Variants in DNAH8 observed in about 807,000 individuals in gnomAD.
DNAH8 encodes dynein axonemal heavy chain 8, also known as axonemal beta dynein heavy chain 8.
A neutral mutation model predicts 562.1 loss-of-function variants in DNAH8; 382 were observed. The ratio of observed to expected loss-of-function variants is 0.68; its 90% CI spans 0.63 to 0.74. The LOEUF (loss-of-function observed/expected upper bound fraction) is 0.74, where lower values mean the gene tolerates loss of function less well. Among genes scored for constraint, DNAH8 ranks in the 30% least tolerant of loss-of-function variants. DNAH8 has a pLI of 0.00. For synonymous variants in DNAH8, 1,881 were observed against 1,919.4 expected, an observed-to-expected ratio of 0.98 and a Z score of 0.52; for missense variants, 5,203 against 5,620.4, an observed-to-expected ratio of 0.93 and a Z score of 2.37.
In DNAH8 at chr6:38,821,441, C is replaced by CT. The variant is rs548901208; in HGVS notation, c.3524-1390dup. ...CAATCTCTATCAAAATCCCAGAAGA[C>CT]TTTTTTTGCGGAAGAAATTGATAAG... On this transcript the variant is annotated intron_variant, in intron 26 of 92. Coordinates refer to ENST00000327475, the MANE Select transcript of DNAH8 (RefSeq NM_001206927.2). 1.1e-4 allele frequency among the ~76,000 whole-genome samples: 16 copies of CT among 152,146 alleles called. No homozygotes were observed. In the South Asian group the frequency reaches 2.9e-3, roughly 28 times the overall value.
Position 38,938,954 on chromosome 6 carries a change from A to C in DNAH8, c.11973A>C (p.Thr3991=). ...TAAAGATTGACCTTCAGAGAGGGAC[A>C]GTTAAGCACAGAGAGTTTCAAGCTC... ...MTLKIDLQRG[T]VKHREFQALI... Residue 3991 remains threonine, a synonymous_variant, in exon 79 of 93, where the codon ACA becomes ACC. Coordinates refer to ENST00000327475, the MANE Select transcript of DNAH8 (RefSeq NM_001206927.2). 3.7e-6 allele frequency: 6 copies of C among 1,613,766 alleles called. No individual in the cohort carries two copies. The highest frequency in any genetic ancestry group is 5.1e-6 in the Non-Finnish European group (6 of 1,179,840).
rs764654568 is a variant in DNAH8 at position 38,870,579 on chromosome 6, C to A, written c.6990+17C>A. 13 of 1,604,012 alleles carry A rather than the reference C, an allele frequency of 8.1e-6. No homozygotes were observed. In the African/African-American group the frequency reaches 1.5e-4, roughly 18 times the overall value. ...CTCGTGCAGGTAAAGACATTTTAAT[C>A]TATTATTAGTATAATGATAAGTATG... On this transcript the variant is annotated intron_variant, in intron 49 of 92. Transcript: ENST00000327475.
chr6:38,858,233 G>C (rs1235942335), intron 42 of DNAH8, among the ~76,000 whole-genome samples: 2 of 152,120 alleles, frequency 1.3e-5, no homozygotes, highest in Non-Finnish European at 2.9e-5. Flanking sequence ...TTCTCCTAAA[G>C]CAAGGATTTT....
chr6:38,915,175 T>G (rs750984769), intron 67 of DNAH8, 26 bp from the exon 68 acceptor site: 5 of 1,566,724 alleles, frequency 3.2e-6, no homozygotes, highest in Non-Finnish European at 4.3e-6. Context: ...TTCTATTGGC[T>G]TTCATGTGTT....
intron 30 of DNAH8, among the ~76,000 whole-genome samples, chr6:38,830,070 C>G (rs1773699653): frequency 6.6e-6 from 1 of 152,198 alleles, no homozygotes; most frequent in South Asian, 2.1e-4. Flanking sequence ...TAAAGGTAGT[C>G]AATTTTGTCA....
chr6:38,807,044 C>A (rs1320856354), intron 23 of DNAH8, among the ~76,000 whole-genome samples: 1 of 152,174 alleles, frequency 6.6e-6, no homozygotes, highest in Non-Finnish European at 1.5e-5. Context: ...ACATCTCTGC[C>A]TACCAGGCTC....
At chr6:38,738,297 G>A (rs756405) in intron 7 of DNAH8, among the ~76,000 whole-genome samples, 96,770 of 152,042 alleles carry the variant, frequency 0.64, 31,743 homozygotes, top group Non-Finnish European at 0.71. Flanking sequence ...GAGAGAGGGA[G>A]AGGACACAGT....
rs1312427698 is a variant in DNAH8, at chr6:38,896,099, T to C, written c.8814T>C (p.Ile2938=). 1 of 1,614,028 alleles carries C rather than the reference T, an allele frequency of 6.2e-7. No individual in the cohort carries two copies. ...AHLTRAVEEN[I]GSDAASCILP... ...TTACTCGTGCAGTTGAAGAAAATAT[T>C]GGCTCTGATGCAGCGTCGTGTATTC... The change falls in exon 60 of 93, where the codon ATT becomes ATC. Residue 2938 remains isoleucine, a synonymous_variant. Transcript: ENST00000327475.
intron 76 of DNAH8, among the ~76,000 whole-genome samples, chr6:38,933,222 C>CA (rs1343880690): frequency 6.6e-6 from 1 of 152,138 alleles, no homozygotes; most frequent in Non-Finnish European, 1.5e-5. Flanking sequence ...AGAAGTCAAG[C>CA]AACTCCACTG....
chr6:38,826,577 A>C (rs568952546), intron 29 of DNAH8, among the ~76,000 whole-genome samples, 186 bp downstream of exon 29: 3 of 152,338 alleles, frequency 2.0e-5, no homozygotes, highest in Non-Finnish European at 2.9e-5. Context: ...CAGTATACAA[A>C]AGACACTGTT....
At chr6:38,763,426 G>T in intron 11 of DNAH8, 1 of 309,836 alleles carries the variant, frequency 3.2e-6, no homozygotes, top group Non-Finnish European at 6.2e-6. Context: ...GAAGAACAGA[G>T]CAACAAGAGC....
At chr6:38,893,178 T>C (rs897280095) in intron 58 of DNAH8, among the ~76,000 whole-genome samples, 1 of 152,198 alleles carries the variant, frequency 6.6e-6, no homozygotes, top group Non-Finnish European at 1.5e-5. Context: ...GAAAAATGAA[T>C]GAATCTTCCT....
At chr6:38,818,140 T>G (rs1772457198) in intron 26 of DNAH8, among the ~76,000 whole-genome samples, 1 of 152,104 alleles carries the variant, frequency 6.6e-6, no homozygotes, top group South Asian at 2.1e-4. Flanking sequence ...TCAAACCCAG[T>G]TCTTTCTTCA....
intron 21 of DNAH8, among the ~76,000 whole-genome samples, chr6:38,802,135 C>A (rs995307016): frequency 3.3e-5 from 5 of 151,676 alleles, no homozygotes; most frequent in African/African-American, 1.2e-4. Context: ...GGGGTCTCGC[C>A]ATGTTGCCCA....
chr6:38,729,240 A>T (rs576836335), intron 3 of DNAH8, among the ~76,000 whole-genome samples: 43 of 146,692 alleles, frequency 2.9e-4, no homozygotes, highest in African/African-American at 1.0e-3. Context: ...ACAAACAAAC[A>T]AACTCTCACT....
At chr6:38,959,449 C>A (rs571923330) in intron 82 of DNAH8, among the ~76,000 whole-genome samples, 1 of 151,914 alleles carries the variant, frequency 6.6e-6, no homozygotes, top group Non-Finnish European at 1.5e-5. Flanking sequence ...TCAATCTACA[C>A]GAATTAGGGT....
In DNAH8 at chr6:38,899,804, G is replaced by T; in HGVS notation, c.9092G>T (p.Gly3031Val). 1 of 1,613,606 alleles carries T rather than the reference G, an allele frequency of 6.2e-7. No individual in the cohort carries two copies. The highest frequency in any genetic ancestry group is 1.1e-5 in the South Asian group (1 of 91,002). ...TCACGAATAATTCGAACGTCGTGTGGAAATGCATTGCTGGTGGGTGTTGGT... is the reference window on the plus strand; with the variant it reads ...TCACGAATAATTCGAACGTCGTGTGTAAATGCATTGCTGGTGGGTGTTGGT... Reference protein sequence around the residue: ...KISRIIRTSCGNALLVGVGGS... With the variant: ...KISRIIRTSCVNALLVGVGGS... Residue 3031 changes from glycine (G) to valine (V), a missense_variant, in exon 62 of 93, where the codon GGA (glycine) becomes GTA (valine). By Grantham distance (109) the Gly-to-Val change is moderately radical. Transcript: ENST00000327475.
intron 79 of DNAH8, among the ~76,000 whole-genome samples, chr6:38,943,609 C>T (rs556663389): frequency 2.0e-5 from 3 of 152,286 alleles, no homozygotes; most frequent in South Asian, 4.1e-4. Flanking sequence ...CGCAATCCTG[C>T]ATTATAGAGC....
At chr6:38,761,475 T>C (rs1341186456) in intron 10 of DNAH8, among the ~76,000 whole-genome samples, 1 of 151,740 alleles carries the variant, frequency 6.6e-6, no homozygotes, top group Non-Finnish European at 1.5e-5. Context: ...TATTTTTTAT[T>C]TTTAGAGACA....
Sources: allele counts gnomAD v4.1 joint callset (sites outside exome capture counted in the v4.1 genomes callset), GRCh38; gene constraint gnomAD v4.1.1; transcripts MANE v1.5; gene names NCBI Gene and HGNC (gene_info 2026-07-23, HGNC 2026-07-21).